ARHGAP32: variants seen among roughly 807,000 people sequenced by gnomAD.
ARHGAP32 encodes the protein Rho GTPase activating protein 32.
A neutral mutation model predicts 186.5 loss-of-function variants in ARHGAP32; 51 were observed. The observed-to-expected ratio is 0.27, with a 90% CI of 0.22 to 0.35. The LOEUF (loss-of-function observed/expected upper bound fraction) is 0.35, where lower values mean the gene tolerates loss of function less well. ARHGAP32 is among the 10% of genes least tolerant of loss of function. ARHGAP32 has a pLI of 1.00. For missense variants in ARHGAP32, 2,186 were observed against 2,623.5 expected (o/e 0.83, Z 3.64); for synonymous variants, 950 against 964.3 (o/e 0.99, Z 0.27).
intron 1 of ARHGAP32, among the ~76,000 whole-genome samples, chr11:129,222,037 T>C (rs1401346286): frequency 6.6e-6 from 1 of 152,142 alleles, no homozygotes; most frequent in African/African-American, 2.4e-5. Flanking sequence ...CAATTACTTC[T>C]GAAATATTGA....
At chr11:128,991,725 CT>C (rs2134690698) in intron 12 of ARHGAP32, among the ~76,000 whole-genome samples, 1 of 152,242 alleles carries the variant, frequency 6.6e-6, no homozygotes, top group South Asian at 2.1e-4. Context: ...TTCTGATTTA[CT>C]TTGATTTTAC....
intron 5 of ARHGAP32, among the ~76,000 whole-genome samples, chr11:129,100,385 T>C (rs1179675848): frequency 6.6e-6 from 1 of 152,098 alleles, no homozygotes; most frequent in Non-Finnish European, 1.5e-5. Flanking sequence ...GGGAGCTATA[T>C]CACAGCTTCT....
intron 5 of ARHGAP32, among the ~76,000 whole-genome samples, chr11:129,098,223 C>T (rs1478705964): frequency 6.6e-6 from 1 of 152,082 alleles, no homozygotes; most frequent in Non-Finnish European, 1.5e-5. Context: ...AAAACACATA[C>T]ACACAAACAC....
chr11:129,220,832 ATTTT>A, intron 1 of ARHGAP32, among the ~76,000 whole-genome samples: 1 of 152,234 alleles, frequency 6.6e-6, no homozygotes, highest in South Asian at 2.1e-4. Flanking sequence ...TATTTTATTC[ATTTT>A]TACAACTATT....
intron 5 of ARHGAP32, among the ~76,000 whole-genome samples, chr11:129,122,594 C>T (rs1396215866): frequency 6.6e-6 from 1 of 152,066 alleles, no homozygotes; most frequent in Non-Finnish European, 1.5e-5. Context: ...CTATTTTAAA[C>T]TGTCAATTTA....
chr11:129,278,962 G>T (rs1292831071), intron 1 of ARHGAP32, among the ~76,000 whole-genome samples: 7 of 147,584 alleles, frequency 4.7e-5, no homozygotes. Flanking sequence ...CGTCCGCCCC[G>T]GGAGGCCGGG....
At chr11:128,999,315 C>G (rs1302318990) in intron 11 of ARHGAP32, among the ~76,000 whole-genome samples, 1 of 152,148 alleles carries the variant, frequency 6.6e-6, no homozygotes, top group East Asian at 1.9e-4. Context: ...TTAGGAAATT[C>G]CTGCCTAGTA....
intron 11 of ARHGAP32, among the ~76,000 whole-genome samples, chr11:129,004,391 T>C (rs955664653): frequency 6.6e-6 from 1 of 151,942 alleles, no homozygotes; most frequent in Non-Finnish European, 1.5e-5. Context: ...ATTAGGTCTA[T>C]TTAGTCTATA....
chr11:129,074,390 T>C lies in ARHGAP32; in HGVS notation c.532-7522A>G, dbSNP rs566384129. ...GAGAGGAATTACAAATAATTTTTATTACAAGGCACCTGCACAATCCATGAC... is the reference window on the plus strand; with the variant it reads ...GAGAGGAATTACAAATAATTTTTATCACAAGGCACCTGCACAATCCATGAC... On this transcript the variant is annotated intron_variant, in intron 6 of 22. Transcript: ENST00000682385. Among the ~76,000 whole-genome samples the C allele has an allele frequency of 3.2e-3, 492 of 152,284 alleles. 1 individual carries two copies. Among genetic ancestry groups the C allele is most frequent in the African/African-American group, 0.011 (475 of 41,552 alleles).
rs190803704 is a variant in ARHGAP32, at chr11:129,237,143, T to C, written c.-5+42003A>G. Among the ~76,000 whole-genome samples, 22 of 152,338 alleles carry C rather than the reference T, an allele frequency of 1.4e-4. No homozygotes were observed. In the East Asian group the frequency reaches 3.9e-3, roughly 27 times the overall value. On this transcript the variant is annotated intron_variant, in intron 1 of 6. Coordinates refer to the ARHGAP32 transcript ENST00000525234. ...TTATCTTTTTGATATGCTGTTGGAC[T>C]CAGTTCACTAGTATTTTGTTGAGGA...
At chr11:129,210,931 AC>A in intron 1 of ARHGAP32, among the ~76,000 whole-genome samples, 1 of 152,266 alleles carries the variant, frequency 6.6e-6, no homozygotes, top group East Asian at 1.9e-4. Context: ...ACTGCACGGG[AC>A]TGCTGCACTG....
At chr11:129,091,834 T>G (rs77150832) in intron 6 of ARHGAP32, among the ~76,000 whole-genome samples, 44 of 152,188 alleles carry the variant, frequency 2.9e-4, no homozygotes, top group Admixed American at 6.5e-4. Context: ...GTTTCCTCAC[T>G]TGCAAAATTA....
chr11:129,228,834 T>C (rs1435441071), intron 1 of ARHGAP32, among the ~76,000 whole-genome samples: 1 of 152,114 alleles, frequency 6.6e-6, no homozygotes, highest in Non-Finnish European at 1.5e-5. Flanking sequence ...AACCTGCATG[T>C]CCTGCACATG....
intron 11 of ARHGAP32, among the ~76,000 whole-genome samples, chr11:129,005,064 A>G (rs1032103436): frequency 3.3e-5 from 5 of 152,052 alleles, no homozygotes; most frequent in African/African-American, 9.7e-5. Context: ...TGAGTTTATC[A>G]TGAGGCTTGC....
chr11:129,042,800 C>T (rs1466789939), intron 10 of ARHGAP32, among the ~76,000 whole-genome samples: 1 of 152,088 alleles, frequency 6.6e-6, no homozygotes, highest in African/African-American at 2.4e-5. Flanking sequence ...ATGTAGTCTC[C>T]GGTGTGAGTC....
intron 1 of ARHGAP32, among the ~76,000 whole-genome samples, chr11:129,274,818 C>A (rs1945512590): frequency 6.6e-6 from 1 of 150,928 alleles, no homozygotes. Context: ...TAATGCAAAT[C>A]ATAAGGAAGA....
intron 10 of ARHGAP32, among the ~76,000 whole-genome samples, chr11:129,053,082 A>C (rs1375719872): frequency 6.6e-6 from 1 of 152,098 alleles, no homozygotes; most frequent in Non-Finnish European, 1.5e-5. Context: ...TATAATAAAA[A>C]AAAGAAAAAA....
At chr11:128,978,387 AAG>A (rs1945612750) in intron 19 of ARHGAP32, among the ~76,000 whole-genome samples, 2 of 152,198 alleles carry the variant, frequency 1.3e-5, no homozygotes, top group Admixed American at 6.5e-5. Flanking sequence ...CTTTAGTTAA[AAG>A]AGTTATAAAC....
At chr11:129,269,679 ATC>A (rs963314925) in intron 1 of ARHGAP32, among the ~76,000 whole-genome samples, 2 of 152,042 alleles carry the variant, frequency 1.3e-5, no homozygotes, top group Admixed American at 1.3e-4. Context: ...ACGAGCTATG[ATC>A]ACTCCATCCT....
Sources: gnomAD v4.1 joint callset for allele counts (sites outside exome capture counted in the v4.1 genomes callset) on GRCh38, gnomAD v4.1.1 for gene constraint, MANE v1.5 for transcripts, NCBI Gene and HGNC (gene_info 2026-07-23, HGNC 2026-07-21) for gene names.